TENM4: variants seen among roughly 807,000 people sequenced by gnomAD.
TENM4 encodes the protein teneurin-4.
TENM4 carries 82 observed loss-of-function variants against 243.3 expected under a neutral mutation model. The ratio of observed to expected loss-of-function variants is 0.34; its 90% CI spans 0.28 to 0.40. The LOEUF is 0.40. TENM4 is among the 10% of genes least tolerant of loss of function. The pLI is 1.00. For missense variants in TENM4, 3,138 were observed against 3,673.3 expected (o/e 0.85, Z 3.77); for synonymous variants, 1,412 against 1,456.3 (o/e 0.97, Z 0.69).
chr11:78,869,973 A>G (rs537667871), intron 9 of TENM4, among the ~76,000 whole-genome samples: 1 of 152,238 alleles, frequency 6.6e-6, no homozygotes, highest in Admixed American at 6.5e-5. Flanking sequence ...ACAAACAAAA[A>G]CCATGTAGAT....
Position 78,863,128 on chromosome 11 carries a change from C to T in TENM4, c.1089G>A (p.Met363Ile). 2 of 1,509,590 alleles carry T rather than the reference C, an allele frequency of 1.3e-6. No homozygotes were observed. Among genetic ancestry groups the T allele is most frequent in the Non-Finnish European group, 1.8e-6 (2 of 1,115,876 alleles). The allele number at this position is 1,509,590 out of a possible 1,614,324, so 93.5% of individuals were successfully genotyped here. A position where few individuals can be genotyped will look rare whatever the true frequency, so the allele number is the denominator to read the frequency against. ...GGTGCCAGTTTAGGCCAAACAGGTG[C>T]ATGGCTGTGGTGAGCAATGAGAAAA... Reference protein sequence around the residue: ...LVILLAYFVAMHLFGLNWHLQ... With the variant: ...LVILLAYFVAIHLFGLNWHLQ... Residue 363 changes from methionine to isoleucine, a missense_variant, in exon 10 of 34, where the codon ATG becomes ATA. By Grantham distance (10) the Met-to-Ile change is conservative. Around this residue, in one of 2 missense-constraint regions of TENM4, gnomAD observed 671 missense variants for 614.1 expected, o/e 1.09. Transcript: ENST00000278550.
chr11:79,324,784 T>A (rs1856946945), intron 1 of TENM4, among the ~76,000 whole-genome samples: 1 of 152,180 alleles, frequency 6.6e-6, no homozygotes, highest in Admixed American at 6.5e-5. Context: ...ATGACACTGC[T>A]GCTGTCCCCC....
chr11:79,238,840 C>G (rs1008517761), intron 2 of TENM4, among the ~76,000 whole-genome samples: 3 of 151,988 alleles, frequency 2.0e-5, no homozygotes, highest in Non-Finnish European at 4.4e-5. Context: ...GCTTGGCGAT[C>G]GTGGTGAAAC....
At chr11:79,193,738 C>G (rs992531668) in intron 3 of TENM4, among the ~76,000 whole-genome samples, 1 of 152,184 alleles carries the variant, frequency 6.6e-6, no homozygotes, top group Non-Finnish European at 1.5e-5. Context: ...GTTCTTCTCT[C>G]CCACCTTGCA....
chr11:78,676,118 C>T, intron 30 of TENM4, 34 bp downstream of exon 30: 4 of 1,457,292 alleles, frequency 2.7e-6, no homozygotes, highest in Non-Finnish European at 3.7e-6. Context: ...TTCTTTCCCC[C>T]CAGGACGCAG....
At position 78,855,949 on chromosome 11, in the gene TENM4, TGG is replaced by T; in HGVS notation, c.1470+13_1470+14del. 6.4e-7 allele frequency: 1 copy of T among 1,550,546 alleles called. No individual in the cohort carries two copies. Among genetic ancestry groups the T allele is most frequent in the Non-Finnish European group, 8.7e-7 (1 of 1,146,688 alleles). Reference sequence around the variant, plus strand: ...AGCCCATGCAGATCAACAGGGTATGTGGGGTTCTGGTTACCTGTGTATGTGAA... The same window carrying T: ...AGCCCATGCAGATCAACAGGGTATGTGGTTCTGGTTACCTGTGTATGTGAA... On this transcript the variant is annotated intron_variant, in intron 11 of 33. Transcript: ENST00000278550.
intron 31 of TENM4, 117 bp downstream of exon 31, chr11:78,671,916 T>A: frequency 7.5e-7 from 1 of 1,334,300 alleles, no homozygotes; most frequent in East Asian, 2.5e-5. Context: ...TTCCTGAACA[T>A]TTCCTTTTGG....
At chr11:79,033,924 C>CA (rs1448817503) in intron 6 of TENM4, among the ~76,000 whole-genome samples, 1 of 152,072 alleles carries the variant, frequency 6.6e-6, no homozygotes, top group Non-Finnish European at 1.5e-5. Flanking sequence ...AGCTCTATTT[C>CA]AAAAAATCTA....
chr11:79,288,111 AC>A (rs369894480), intron 2 of TENM4, among the ~76,000 whole-genome samples: 11 of 152,362 alleles, frequency 7.2e-5, no homozygotes, highest in African/African-American at 2.6e-4. Flanking sequence ...GGCATTCAGC[AC>A]AGAAACCCAG....
chr11:79,032,686 T>G (rs780768281), intron 6 of TENM4, among the ~76,000 whole-genome samples: 6 of 152,186 alleles, frequency 3.9e-5, no homozygotes, highest in Non-Finnish European at 7.3e-5. Context: ...AACAGAAAGA[T>G]AATTGCTTGA....
At chr11:78,709,124 T>C (rs1423474742) in intron 26 of TENM4, among the ~76,000 whole-genome samples, 1 of 144,786 alleles carries the variant, frequency 6.9e-6, no homozygotes, top group Non-Finnish European at 1.5e-5. Context: ...TGCGCCACCA[T>C]GCCTGGCTAA....
At chr11:79,118,396 T>C (rs1861666585) in intron 4 of TENM4, among the ~76,000 whole-genome samples, 1 of 152,146 alleles carries the variant, frequency 6.6e-6, no homozygotes, top group Non-Finnish European at 1.5e-5. Flanking sequence ...TGAGGTAAAA[T>C]ACACATAATA....
intron 2 of TENM4, among the ~76,000 whole-genome samples, chr11:79,275,277 G>A (rs1856036475): frequency 6.6e-6 from 1 of 152,146 alleles, no homozygotes; most frequent in Admixed American, 6.5e-5. Context: ...ATGTGTTTGT[G>A]TGTGTTTAAT....
At chr11:79,336,283 G>A (rs1322593376) in intron 1 of TENM4, among the ~76,000 whole-genome samples, 1 of 152,214 alleles carries the variant, frequency 6.6e-6, no homozygotes, top group Non-Finnish European at 1.5e-5. Context: ...CTAACTAGCT[G>A]CATTGCTTTG....
chr11:78,818,599 C>G (rs1484464792), intron 12 of TENM4, among the ~76,000 whole-genome samples: 2 of 152,196 alleles, frequency 1.3e-5, no homozygotes, highest in African/African-American at 4.8e-5. Context: ...ATTTCAACAA[C>G]TTGAGGTTCA....
chr11:79,015,477 A>AGTGTGTGTGTGTGTGT (rs113872101), intron 6 of TENM4, among the ~76,000 whole-genome samples: 1,624 of 147,212 alleles, frequency 0.011, 10 homozygotes, highest in African/African-American at 0.019. Context: ...AAAGTCATTT[A>AGTGTGTGTGTGTGTGT]GTGTGTGTGT....
intron 4 of TENM4, among the ~76,000 whole-genome samples, chr11:79,077,246 G>A (rs951340002): frequency 1.3e-5 from 2 of 152,136 alleles, no homozygotes; most frequent in African/African-American, 4.8e-5. Context: ...CTATACACTG[G>A]GCAAGTCAGA....
chr11:78,940,494 G>A (rs779500176), intron 6 of TENM4, among the ~76,000 whole-genome samples: 7 of 152,210 alleles, frequency 4.6e-5, no homozygotes, highest in Non-Finnish European at 1.0e-4. Context: ...TCCTGGGGAT[G>A]GTTTAAGTGT....
At chr11:79,417,134 C>T (rs2135582732) in intron 1 of TENM4, among the ~76,000 whole-genome samples, 1 of 152,308 alleles carries the variant, frequency 6.6e-6, no homozygotes, top group Middle Eastern at 3.4e-3. Flanking sequence ...TTATGTTGTG[C>T]TGAAGAAATG....
Sources: allele counts gnomAD v4.1 joint callset (sites outside exome capture counted in the v4.1 genomes callset), GRCh38; gene constraint gnomAD v4.1.1; regional missense constraint gnomAD v4.1.1; transcripts MANE v1.5; gene names NCBI Gene and HGNC (gene_info 2026-07-23, HGNC 2026-07-21).